The following NEGR1 variants were observed in gnomAD, a reference collection of about 807,000 sequenced individuals.
NEGR1 encodes IgLON family member 4.
NEGR1 carries 10 observed loss-of-function variants against 40.9 expected under a neutral mutation model. That is an observed-to-expected ratio of 0.24 (90% CI 0.15 to 0.42). NEGR1 has a LOEUF of 0.42. Ranked by LOEUF, NEGR1 falls within the 10% of genes least tolerant of loss-of-function variation. The pLI, the probability that NEGR1 is intolerant of heterozygous loss-of-function variation, is 1.00. For missense variants in NEGR1, 352 were observed against 438.9 expected (o/e 0.80, Z 1.77); for synonymous variants, 185 against 166.8 (o/e 1.11, Z -0.84).
At chr1:71,879,098 A>G (rs1283907144) in intron 2 of NEGR1, among the ~76,000 whole-genome samples, 1 of 151,250 alleles carries the variant, frequency 6.6e-6, no homozygotes, top group African/African-American at 2.4e-5. Context: ...GCGCCATTGC[A>G]CTCCAGCCTG....
chr1:71,964,971 G>A lies in NEGR1; in HGVS notation c.177-29660C>T, dbSNP rs538113198. Among the ~76,000 whole-genome samples the A allele has an allele frequency of 9.9e-5, 15 of 152,204 alleles. 1 individual carries two copies. The East Asian group carries it at 1.7e-3, about 18-fold the overall frequency. On this transcript the variant is annotated intron_variant, in intron 1 of 6. Transcript: ENST00000357731. ...TCCAGATGATAATCAATAATTGTTC[G>A]AGTTTAGCATGGTAATACTATTCCT... is the stretch of plus-strand genomic sequence containing the variant.
At chr1:72,074,832 T>G (rs2100516502) in intron 1 of NEGR1, among the ~76,000 whole-genome samples, 1 of 152,242 alleles carries the variant, frequency 6.6e-6, no homozygotes, top group South Asian at 2.1e-4. Flanking sequence ...GATTTCTCCA[T>G]TTTTTGGTCT....
intron 1 of NEGR1, among the ~76,000 whole-genome samples, chr1:72,262,249 T>C (rs1336037327): frequency 6.6e-6 from 1 of 152,052 alleles, no homozygotes; most frequent in Non-Finnish European, 1.5e-5. Flanking sequence ...GAATAATATA[T>C]GTAGAAATTA....
intron 6 of NEGR1, among the ~76,000 whole-genome samples, chr1:71,553,841 T>C (rs1329312563): frequency 1.3e-5 from 2 of 151,472 alleles, no homozygotes; most frequent in Non-Finnish European, 3.0e-5. Context: ...ACAAATATCT[T>C]CATATTATTA....
At chr1:71,655,409 T>C (rs1479368609) in intron 4 of NEGR1, among the ~76,000 whole-genome samples, 1 of 152,182 alleles carries the variant, frequency 6.6e-6, no homozygotes, top group African/African-American at 2.4e-5. Flanking sequence ...ATAGACTCCT[T>C]ATATAAAAAT....
chr1:71,728,207 G>C (rs2101660516), intron 3 of NEGR1, among the ~76,000 whole-genome samples: 1 of 152,214 alleles, frequency 6.6e-6, no homozygotes, highest in Non-Finnish European at 1.5e-5. Flanking sequence ...AAGAGACCAG[G>C]GTGGGTGGAA....
In NEGR1 at chr1:71,521,600, T is replaced by A. The variant is rs186941528; in HGVS notation, c.940+71217A>T. 4.7e-4 allele frequency among the ~76,000 whole-genome samples: 72 copies of A among 152,144 alleles called. No homozygotes were observed. The East Asian group carries it at 0.011, about 24-fold the overall frequency. ...AAATGAAAATTTAAATACAAACAGATTGTGTGGCACAGTATGTTTCAACAA... is the reference window on the plus strand; with the variant it reads ...AAATGAAAATTTAAATACAAACAGAATGTGTGGCACAGTATGTTTCAACAA... On this transcript the variant is annotated intron_variant, in intron 6 of 6. Transcript: ENST00000357731.
chr1:71,968,817 A>G (rs1646232585), intron 1 of NEGR1, among the ~76,000 whole-genome samples: 1 of 152,122 alleles, frequency 6.6e-6, no homozygotes, highest in African/African-American at 2.4e-5. Context: ...AGATAAATTG[A>G]TAAGAGGCCT....
intron 1 of NEGR1, among the ~76,000 whole-genome samples, chr1:72,164,764 G>A (rs984994774): frequency 2.6e-5 from 4 of 151,840 alleles, no homozygotes; most frequent in African/African-American, 7.2e-5. Context: ...AGAAAATTAA[G>A]GTGGAGGAAC....
intron 2 of NEGR1, among the ~76,000 whole-genome samples, chr1:71,898,630 A>C (rs1661038326): frequency 6.6e-6 from 1 of 150,764 alleles, no homozygotes; most frequent in East Asian, 2.0e-4. Flanking sequence ...ACAAAGAAAC[A>C]AAAGAAACAA....
At chr1:71,958,216 C>T (rs1041900472) in intron 1 of NEGR1, among the ~76,000 whole-genome samples, 23 of 152,274 alleles carry the variant, frequency 1.5e-4, no homozygotes, top group African/African-American at 5.1e-4. Context: ...GTAGCCTTCC[C>T]TTTCTTCTAC....
chr1:72,089,784 A>C (rs577945576), intron 1 of NEGR1, among the ~76,000 whole-genome samples: 244 of 152,228 alleles, frequency 1.6e-3, no homozygotes, highest in Admixed American at 2.7e-3. Context: ...CTTGCAGACA[A>C]AAGATTAAAT....
At chr1:71,690,648 A>AGAGAGAGAGAGG (rs1557614886) in intron 4 of NEGR1, among the ~76,000 whole-genome samples, 5 of 149,524 alleles carry the variant, frequency 3.3e-5, no homozygotes, top group Admixed American at 6.7e-5. Context: ...AGAGAGAGAG[A>AGAGAGAGAGAGG]GAGAGAGAGA....
intron 6 of NEGR1, among the ~76,000 whole-genome samples, chr1:71,465,324 T>C (rs1373450286): frequency 6.6e-6 from 1 of 152,090 alleles, no homozygotes; most frequent in East Asian, 1.9e-4. Context: ...TGCAGTTTTT[T>C]CTGAGTGGCT....
At chr1:72,266,254 T>C (rs766656062) in intron 1 of NEGR1, among the ~76,000 whole-genome samples, 4 of 151,012 alleles carry the variant, frequency 2.6e-5, no homozygotes, top group Non-Finnish European at 6.0e-5. Context: ...AATGGATCTA[T>C]GTAAACTATG....
At chr1:71,523,262 G>T (rs1276149156) in intron 6 of NEGR1, among the ~76,000 whole-genome samples, 2 of 151,598 alleles carry the variant, frequency 1.3e-5, no homozygotes, top group African/African-American at 4.9e-5. Context: ...TTGTTGTGAG[G>T]ATGTAATTTC....
intron 1 of NEGR1, among the ~76,000 whole-genome samples, chr1:72,161,977 C>A: frequency 6.6e-6 from 1 of 151,972 alleles, no homozygotes; most frequent in East Asian, 1.9e-4. Context: ...CAGGCATGAG[C>A]CACCATGCCT....
intron 4 of NEGR1, among the ~76,000 whole-genome samples, chr1:71,632,171 C>G (rs1650990386): frequency 6.6e-6 from 1 of 151,612 alleles, no homozygotes; most frequent in Admixed American, 6.6e-5. Flanking sequence ...AATATGGAAC[C>G]TACATCTTCC....
chr1:72,159,159 T>C (rs1211628814), intron 1 of NEGR1, among the ~76,000 whole-genome samples: 1 of 152,188 alleles, frequency 6.6e-6, no homozygotes, highest in African/African-American at 2.4e-5. Flanking sequence ...TACTTCGGTT[T>C]TAAAATCTAT....
Sources: allele counts gnomAD v4.1 joint callset (sites outside exome capture counted in the v4.1 genomes callset), GRCh38; gene constraint gnomAD v4.1.1; transcripts MANE v1.5; gene names NCBI Gene and HGNC (gene_info 2026-07-23, HGNC 2026-07-21).